The following IQCE variants were observed in gnomAD, a reference collection of about 807,000 sequenced individuals.
IQCE encodes the protein IQ motif containing E.
A neutral mutation model predicts 96.0 loss-of-function variants in IQCE; 115 were observed. The observed-to-expected ratio is 1.20, with a 90% confidence interval of 1.03 to 1.40. IQCE has a LOEUF of 1.40. Among genes scored for constraint, IQCE ranks in the 40% most tolerant of loss-of-function variants. IQCE has a pLI of 0.00. For synonymous variants in IQCE, 412 were observed against 371.2 expected, an observed-to-expected ratio of 1.11 and a Z score of -1.26; for missense variants, 1,041 against 909.1, an observed-to-expected ratio of 1.15 and a Z score of -1.87.
intron 9 of IQCE, among the ~76,000 whole-genome samples, chr7:2,582,890 C>T (rs1782785887): frequency 1.3e-5 from 2 of 152,126 alleles, no homozygotes; most frequent in Admixed American, 6.5e-5. Flanking sequence ...GTTCTGTGGA[C>T]CCCTGTATCT....
intron 5 of IQCE, 122 bp downstream of exon 5, chr7:2,572,448 C>A: frequency 8.8e-7 from 1 of 1,135,318 alleles, no homozygotes; most frequent in Non-Finnish European, 1.2e-6. Context: ...AGCTCCGTCA[C>A]TGGGAGGTTT....
Position 2,606,007 on chromosome 7 carries a change from G to C in IQCE, c.1865+10G>C. 6.2e-7 allele frequency: 1 copy of C among 1,604,160 alleles called. No homozygotes were observed. The highest frequency in any genetic ancestry group is 1.1e-5 in the South Asian group (1 of 89,580). On this transcript the variant is annotated intron_variant, in intron 20 of 21. Transcript: ENST00000402050. ...CCCGGGCCAGGCACAGGTGAGTCAG[G>C]GTCACGGGGACGTGGGACACAGACA...
intron 15 of IQCE, 116 bp from the exon 16 acceptor site, chr7:2,594,770 C>G (rs976577315): frequency 2.7e-6 from 2 of 753,450 alleles, no homozygotes. Flanking sequence ...CAGCTCTCTA[C>G]AGGCTGCCTG....
At chr7:2,586,111 C>T in intron 11 of IQCE, 97 bp from the exon 12 acceptor site, 2 of 1,185,950 alleles carry the variant, frequency 1.7e-6, no homozygotes, top group South Asian at 3.2e-5. Flanking sequence ...GAGCTCACAA[C>T]CAACAGAGCA....
chr7:2,599,181 T>C (rs982860014), intron 17 of IQCE, among the ~76,000 whole-genome samples: 7 of 152,222 alleles, frequency 4.6e-5, no homozygotes, highest in African/African-American at 1.2e-4. Flanking sequence ...TAACCAACAG[T>C]TCACCCTGAC....
At chr7:2,606,928 G>A (rs1320490904) in intron 20 of IQCE, among the ~76,000 whole-genome samples, 196 bp from the exon 21 acceptor site, 1 of 152,184 alleles carries the variant, frequency 6.6e-6, no homozygotes, top group East Asian at 1.9e-4. Flanking sequence ...ACGTGTCTGA[G>A]GCTCTTCACC....
At chr7:2,576,141 C>T (rs546043271) in intron 6 of IQCE, among the ~76,000 whole-genome samples, 12 of 152,302 alleles carry the variant, frequency 7.9e-5, no homozygotes, top group East Asian at 1.9e-4. Flanking sequence ...GAGCCGCCCC[C>T]GCGGGGTGTG....
At chr7:2,607,500 C>A (rs1373631409) in intron 21 of IQCE, 10 of 1,299,024 alleles carry the variant, frequency 7.7e-6, no homozygotes, top group Admixed American at 8.0e-5. Flanking sequence ...AGGTGGCTTC[C>A]TCCTTCAGGC....
Position 2,590,115 on chromosome 7 carries a change from T to G in IQCE, c.1244+9T>G. On this transcript the variant is annotated intron_variant, in intron 14 of 21. Coordinates refer to ENST00000402050, the MANE Select transcript of IQCE (RefSeq NM_152558.5). Reference sequence around the variant, plus strand: ...CAGCTGCTGCAGAGAGAGTAGGTCCTCCCAAGGCCCCGCCAGTGTCCCCAC... The same window carrying G: ...CAGCTGCTGCAGAGAGAGTAGGTCCGCCCAAGGCCCCGCCAGTGTCCCCAC... The G allele has an allele frequency of 3.7e-6, 6 of 1,603,668 alleles. No individual in the cohort carries two copies. Among genetic ancestry groups the G allele is most frequent in the Non-Finnish European group, 5.1e-6 (6 of 1,174,758 alleles).
rs35495754 is a variant in IQCE at position 2,565,133 on chromosome 7, AGTGTGTGT to A, written c.37-1969_37-1962del. On this transcript the variant is annotated intron_variant, in intron 1 of 21. Transcript: ENST00000402050. ...GTGAGTGCATGTGTGCATGTGTGTG[AGTGTGTGT>A]GTGTGTGTGTGTGCTGTGTATGGTT... Among the ~76,000 whole-genome samples the A allele has an allele frequency of 2.3e-3, 341 of 147,248 alleles. 1 individual carries two copies. Among genetic ancestry groups the A allele is most frequent in the African/African-American group, 5.1e-3 (204 of 40,322 alleles).
At chr7:2,586,435 C>A in intron 12 of IQCE, 64 bp downstream of exon 12, 2 of 1,498,022 alleles carry the variant, frequency 1.3e-6, no homozygotes, top group Non-Finnish European at 1.8e-6. Context: ...CAGGGCATGG[C>A]CACTGGGTAG....
At chr7:2,580,664 A>G (rs1456073726) in intron 8 of IQCE, among the ~76,000 whole-genome samples, 1 of 152,182 alleles carries the variant, frequency 6.6e-6, no homozygotes, top group African/African-American at 2.4e-5. Context: ...ACTGTGGGAA[A>G]TAGTGTGGAT....
intron 20 of IQCE, among the ~76,000 whole-genome samples, chr7:2,606,489 G>A (rs940703813): frequency 1.3e-5 from 2 of 152,154 alleles, no homozygotes; most frequent in Admixed American, 6.5e-5. Context: ...CCCTTGAAGT[G>A]AGCCTGGCCG....
At position 2,598,586 on chromosome 7, in the gene IQCE, C is replaced by T. The variant is rs776673383; in HGVS notation, c.1562C>T (p.Ala521Val). ...RSPCSDGRRD[A>V]AARVLQAQWK... ...CCCTGCTCTGATGGGAGAAGAGACG[C>T]CGCGGCCAGAGTCCTGCAGGCCCAG... Residue 521 changes from alanine to valine, a missense_variant, in exon 17 of 22, where the codon GCC (alanine) becomes GTC (valine). By Grantham distance (64) the Ala-to-Val change is moderately conservative. Coordinates refer to ENST00000402050, the MANE Select transcript of IQCE (RefSeq NM_152558.5). The T allele has an allele frequency of 2.1e-5, 34 of 1,602,404 alleles. No individual in the cohort carries two copies. In the Admixed American group the frequency reaches 5.7e-4, roughly 27 times the overall value.
intron 18 of IQCE, among the ~76,000 whole-genome samples, chr7:2,603,438 G>T (rs1046269646): frequency 3.3e-5 from 5 of 152,058 alleles, no homozygotes; most frequent in Non-Finnish European, 7.4e-5. Flanking sequence ...TGTCCGATCG[G>T]CCAGTCAGTG....
chr7:2,573,910 G>A (rs62442627), intron 6 of IQCE, among the ~76,000 whole-genome samples: 21,506 of 152,114 alleles, frequency 0.14, 1,735 homozygotes, highest in Non-Finnish European at 0.16. Flanking sequence ...TCTGTGGGAC[G>A]GGCAGAACCA....
intron 21 of IQCE, chr7:2,607,665 G>A (rs1354353795): frequency 1.3e-5 from 8 of 593,372 alleles, no homozygotes; most frequent in Middle Eastern, 6.6e-4. Flanking sequence ...CGGAGCTGAC[G>A]GGGATGCCCC....
chr7:2,595,179 T>G (rs1783927793), intron 16 of IQCE, among the ~76,000 whole-genome samples: 1 of 152,238 alleles, frequency 6.6e-6, no homozygotes, highest in South Asian at 2.1e-4. Context: ...GCAAATTGAC[T>G]TCTCGAACTG....
At chr7:2,603,593 G>A (rs534776636) in intron 18 of IQCE, among the ~76,000 whole-genome samples, 3 of 152,296 alleles carry the variant, frequency 2.0e-5, no homozygotes, top group Non-Finnish European at 2.9e-5. Flanking sequence ...AGTGTGTGGC[G>A]TGACGGAGAT....
Sources: gnomAD v4.1 joint callset for allele counts (sites outside exome capture counted in the v4.1 genomes callset) on GRCh38, gnomAD v4.1.1 for gene constraint, MANE v1.5 for transcripts, NCBI Gene and HGNC (gene_info 2026-07-23, HGNC 2026-07-21) for gene names.